KCNA2: variants seen among roughly 807,000 people sequenced by gnomAD.
KCNA2 encodes the protein potassium channel, voltage gated shaker related subfamily A, member 2.
KCNA2 carries 11 observed loss-of-function variants against 33.4 expected under a neutral mutation model. That is an observed-to-expected ratio of 0.33 (90% CI 0.21 to 0.55). The LOEUF (loss-of-function observed/expected upper bound fraction) is 0.55, where lower values mean the gene tolerates loss of function less well. KCNA2 is among the 20% of genes least tolerant of loss of function. The pLI, the probability that KCNA2 is intolerant of heterozygous loss-of-function variation, is 0.93. For synonymous variants in KCNA2, 222 were observed against 231.3 expected (o/e 0.96, Z 0.37); for missense variants, 291 against 621.6 (o/e 0.47, Z 5.66).
In KCNA2 at chr1:110,599,558, A is replaced by T; in HGVS notation, c.*3725T>A. The T allele has an allele frequency of 1.0e-6, 1 of 985,478 alleles. No individual in the cohort carries two copies. Among genetic ancestry groups the T allele is most frequent in the Non-Finnish European group, 1.2e-6 (1 of 829,952 alleles). The allele number at this position is 985,478 out of a possible 1,614,324, so 61.0% of individuals were successfully genotyped here. A position where few individuals can be genotyped will look rare whatever the true frequency, so the allele number is the denominator to read the frequency against. On this transcript the variant is annotated 3_prime_UTR_variant, in exon 3 of 3. Transcript: ENST00000316361. ...GGGCTTATGCACAAGAGCAAGTGAA[A>T]TGCCACAAGCAAGTAAAGGTGGCTC...
chr1:110,625,480 T>C lies in KCNA2; in HGVS notation c.-496+5915A>G, dbSNP rs79163527. ...ACTCCAAATAGACTGAATATTCAAA[T>C]GTAAAAAGTAAAATTCTATTACTAG... On this transcript the variant is annotated intron_variant, in intron 1 of 4. Coordinates refer to the KCNA2 transcript ENST00000369770. Among the ~76,000 whole-genome samples the C allele has an allele frequency of 8.9e-4, 136 of 152,268 alleles. No homozygotes were observed. The East Asian group carries it at 0.024, about 27-fold the overall frequency.
rs555159051 is a variant in KCNA2 at position 110,606,339 on chromosome 1, C to T, written c.-607G>A. ...CCCAAGAGAAAATCCCTCACATCTC[C>T]TCGGCAGGGAGCACAGAATAAACGC... On this transcript the variant is annotated 5_prime_UTR_variant, in exon 1 of 3. Transcript: ENST00000316361. 1 of 152,380 alleles carries T rather than the reference C, an allele frequency of 6.6e-6. No homozygotes were observed. The highest frequency in any genetic ancestry group is 1.9e-4 in the East Asian group (1 of 5,166). 9.4% of individuals were successfully genotyped at this position (152,380 alleles called of 1,614,324 possible).
At position 110,604,840 on chromosome 1, in the gene KCNA2, G is replaced by A. The variant is rs1176130888; in HGVS notation, c.-58C>T. On this transcript the variant is annotated 5_prime_UTR_variant, in exon 3 of 3. Transcript: ENST00000316361. The surrounding 1 kb of genome is among the most constrained non-coding windows in gnomAD (Gnocchi z 7.6). ...CCTTTCAGCTGCCTGGTGGCAGGGA[G>A]CTCAGGGTGCTGCTACTGGCCCCAG... is the stretch of plus-strand genomic sequence containing the variant. 2 of 1,494,716 alleles carry A rather than the reference G, an allele frequency of 1.3e-6. No individual in the cohort carries two copies. Among genetic ancestry groups the A allele is most frequent in the Non-Finnish European group, 1.8e-6 (2 of 1,099,514 alleles). 92.6% of individuals were successfully genotyped at this position (1,494,716 alleles called of 1,614,324 possible). A position where few individuals can be genotyped will look rare whatever the true frequency, so the allele number is the denominator to read the frequency against.
rs762433126 is a variant in KCNA2 at position 110,597,648 on chromosome 1, G to A, written c.*5635C>T. On this transcript the variant is annotated 3_prime_UTR_variant, in exon 3 of 3. Transcript: ENST00000316361. Reference sequence around the variant, plus strand: ...AAGAGGACAGGAGTCATGTGAACACGTGGGAAGAAGAAGAAACTACAGAGA... The same window carrying A: ...AAGAGGACAGGAGTCATGTGAACACATGGGAAGAAGAAGAAACTACAGAGA... 8.1e-6 allele frequency: 8 copies of A among 985,460 alleles called. No homozygotes were observed. The highest frequency in any genetic ancestry group is 8.4e-6 in the Non-Finnish European group (7 of 829,956). 61.0% of individuals were successfully genotyped at this position (985,460 alleles called of 1,614,324 possible).
Position 110,598,381 on chromosome 1 carries a change from T to C in KCNA2, c.*4902A>G. 2 of 985,384 alleles carry C rather than the reference T, an allele frequency of 2.0e-6. No homozygotes were observed. The highest frequency in any genetic ancestry group is 2.4e-6 in the Non-Finnish European group (2 of 829,930). The allele number at this position is 985,384 out of a possible 1,614,324, so 61.0% of individuals were successfully genotyped here. A position where few individuals can be genotyped will look rare whatever the true frequency, so the allele number is the denominator to read the frequency against. On this transcript the variant is annotated 3_prime_UTR_variant, in exon 3 of 3. Coordinates refer to ENST00000316361, the MANE Select transcript of KCNA2 (RefSeq NM_004974.4). ...TTCATATGCAATTTGCACACTGTTC[T>C]ATAGTTTCCTTAGGGGGGAGTCAGC...
chr1:110,596,335 C>CTA lies in KCNA2; in HGVS notation c.*6946_*6947dup, dbSNP rs141819879. On this transcript the variant is annotated 3_prime_UTR_variant, in exon 3 of 3. Coordinates refer to ENST00000316361, the MANE Select transcript of KCNA2 (RefSeq NM_004974.4). ...AAAATAGTATACATATATACATATA[C>CTA]TATATATATATATATACACACATAA... 0.076 allele frequency: 25,151 copies of CTA among 332,438 alleles called. 1,397 individuals carry two copies. The highest frequency in any genetic ancestry group is 0.21 in the African/African-American group (9,137 of 43,390). 20.6% of individuals were successfully genotyped at this position (332,438 alleles called of 1,614,324 possible). A position where few individuals can be genotyped will look rare whatever the true frequency, so the allele number is the denominator to read the frequency against.
chr1:110,594,076 G>C lies in KCNA2; in HGVS notation c.*9207C>G. ...AGTTCCCTTTCGGCATCATCCTTACGAAGCTTTACCATCAGCCTTGGAGTT... is the reference window on the plus strand; with the variant it reads ...AGTTCCCTTTCGGCATCATCCTTACCAAGCTTTACCATCAGCCTTGGAGTT... On this transcript the variant is annotated 3_prime_UTR_variant, in exon 3 of 3. Transcript: ENST00000316361. The C allele has an allele frequency of 1.4e-6, 2 of 1,444,424 alleles. No individual in the cohort carries two copies. Among genetic ancestry groups the C allele is most frequent in the Non-Finnish European group, 1.8e-6 (2 of 1,102,914 alleles). The allele number at this position is 1,444,424 out of a possible 1,614,324, so 89.5% of individuals were successfully genotyped here. A position where few individuals can be genotyped will look rare whatever the true frequency, so the allele number is the denominator to read the frequency against.
chr1:110,619,900 G>A (rs1338625023), intron 1 of KCNA2, among the ~76,000 whole-genome samples: 2 of 152,032 alleles, frequency 1.3e-5, no homozygotes, highest in Non-Finnish European at 2.9e-5. Context: ...AAACTCCTCA[G>A]CCCTCCCCTG....
In KCNA2 at chr1:110,595,161, T is replaced by C; in HGVS notation, c.*8122A>G. The C allele has an allele frequency of 4.1e-6, 4 of 985,370 alleles. No individual in the cohort carries two copies. Among genetic ancestry groups the C allele is most frequent in the Non-Finnish European group, 4.8e-6 (4 of 829,924 alleles). The allele number at this position is 985,370 out of a possible 1,614,324, so 61.0% of individuals were successfully genotyped here. A position where few individuals can be genotyped will look rare whatever the true frequency, so the allele number is the denominator to read the frequency against. On this transcript the variant is annotated 3_prime_UTR_variant, in exon 3 of 3. Coordinates refer to ENST00000316361, the MANE Select transcript of KCNA2 (RefSeq NM_004974.4). Reference sequence around the variant, plus strand: ...GCCACATCTACACTGCCCTCAATGATCTAGATGTTGCAGTAGCTGTCCACA... The same window carrying C: ...GCCACATCTACACTGCCCTCAATGACCTAGATGTTGCAGTAGCTGTCCACA...
rs9782928 is a variant in KCNA2, at chr1:110,599,060, C to T, written c.*4223G>A. ...CACACGTTTTGGACCCATATGTCCA[C>T]TCCCTACTGTTGTTACCTTTTCTGT... On this transcript the variant is annotated 3_prime_UTR_variant, in exon 3 of 3. Transcript: ENST00000316361. 0.36 allele frequency: 357,272 copies of T among 984,812 alleles called. 68,714 individuals carry two copies. The highest frequency in any genetic ancestry group is 0.69 in the African/African-American group (39,405 of 57,248). 61.0% of individuals were successfully genotyped at this position (984,812 alleles called of 1,614,324 possible). A position where few individuals can be genotyped will look rare whatever the true frequency, so the allele number is the denominator to read the frequency against.
Position 110,596,845 on chromosome 1 carries a change from G to C in KCNA2, c.*6438C>G, listed in dbSNP as rs1188877398. On this transcript the variant is annotated 3_prime_UTR_variant, in exon 3 of 3. Transcript: ENST00000316361. ...TGCTGTACATATGTGTATAGAGCAA[G>C]GTAGATCAAAAAAGGATGGAATGGG... 6 of 985,278 alleles carry C rather than the reference G, an allele frequency of 6.1e-6. No homozygotes were observed. Among genetic ancestry groups the C allele is most frequent in the Admixed American group, 1.2e-4 (2 of 16,268 alleles). 61.0% of individuals were successfully genotyped at this position (985,278 alleles called of 1,614,324 possible).
At chr1:110,610,032 G>A (rs1441314632), upstream of KCNA2, among the ~76,000 whole-genome samples, 2 of 152,190 alleles carry the variant, frequency 1.3e-5, no homozygotes, top group Non-Finnish European at 2.9e-5. Flanking sequence ...GTTCTATGGT[G>A]GGCTCCATTT....
chr1:110,630,074 G>A (rs1453864865), intron 1 of KCNA2, among the ~76,000 whole-genome samples: 1 of 140,372 alleles, frequency 7.1e-6, no homozygotes, highest in Non-Finnish European at 1.5e-5. Context: ...GGAGTGCAAT[G>A]GTGCCATCTT....
At chr1:110,611,953 G>A (rs561297638) in intron 1 of KCNA2, among the ~76,000 whole-genome samples, 3 of 152,296 alleles carry the variant, frequency 2.0e-5, no homozygotes, top group South Asian at 4.1e-4. Context: ...GCCCCAGCGC[G>A]GTGGAGGTTG....
rs1464198383 is a variant in KCNA2, at chr1:110,603,076, A to AT, written c.*206dup. 3.5e-6 allele frequency: 5 copies of AT among 1,409,086 alleles called. No homozygotes were observed. The highest frequency in any genetic ancestry group is 4.6e-6 in the Non-Finnish European group (5 of 1,089,282). 87.3% of individuals were successfully genotyped at this position (1,409,086 alleles called of 1,614,324 possible). A position where few individuals can be genotyped will look rare whatever the true frequency, so the allele number is the denominator to read the frequency against. ...AGGTGACTCCCGTCTTTGGAAGTTC[A>AT]TAAGCCGGTGATGAGGATGTGCATG... On this transcript the variant is annotated 3_prime_UTR_variant, in exon 3 of 3. Coordinates refer to ENST00000316361, the MANE Select transcript of KCNA2 (RefSeq NM_004974.4). This position sits in a 1 kb window ranked among gnomAD's most constrained non-coding sequence, Gnocchi z 5.7.
In KCNA2 at chr1:110,594,293, C is replaced by CTATA. The variant is rs57750111; in HGVS notation, c.*8986_*8989dup. 4.5e-4 allele frequency: 354 copies of CTATA among 793,594 alleles called. 2 individuals carry two copies. The highest frequency in any genetic ancestry group is 2.9e-3 in the East Asian group (22 of 7,648). 49.2% of individuals were successfully genotyped at this position (793,594 alleles called of 1,614,324 possible). A position where few individuals can be genotyped will look rare whatever the true frequency, so the allele number is the denominator to read the frequency against. On this transcript the variant is annotated 3_prime_UTR_variant, in exon 3 of 3. Transcript: ENST00000316361. ...GGCCATTTCCTCTCTCTCTCTCTCT[C>CTATA]TATATATATATATACATATATATAT...
At chr1:110,616,163 A>G (rs1650057344) in intron 1 of KCNA2, among the ~76,000 whole-genome samples, 1 of 152,172 alleles carries the variant, frequency 6.6e-6, no homozygotes, top group Admixed American at 6.5e-5. Flanking sequence ...GGCCATTAGA[A>G]TCTGCTGGGT....
At chr1:110,608,652 G>T (rs1649762121), upstream of KCNA2, among the ~76,000 whole-genome samples, 1 of 152,208 alleles carries the variant, frequency 6.6e-6, no homozygotes, top group Admixed American at 6.5e-5. Flanking sequence ...GATGACAGAT[G>T]ACTATAGAGA....
intron 1 of KCNA2, among the ~76,000 whole-genome samples, chr1:110,618,452 T>C (rs1386789550): frequency 1.3e-5 from 2 of 152,204 alleles, no homozygotes; most frequent in Non-Finnish European, 2.9e-5. Context: ...CCCTGGAATG[T>C]GGCTGCCTTC....
Sources: gnomAD v4.1 joint callset for allele counts (sites outside exome capture counted in the v4.1 genomes callset) on GRCh38, gnomAD v4.1.1 for gene constraint, Gnocchi (gnomAD v3.1) non-coding constraint, MANE v1.5 for transcripts, NCBI Gene and HGNC (gene_info 2026-07-23, HGNC 2026-07-21) for gene names.